The following PCDHGB7 variants were observed in gnomAD, a reference collection of about 807,000 sequenced individuals.
The protein encoded by PCDHGB7 is protocadherin gamma-B7.
Under a neutral mutation model 61.4 loss-of-function variants are expected in PCDHGB7, and 37 were observed. The observed-to-expected ratio is 0.60, with a 90% CI of 0.46 to 0.79. The LOEUF is 0.79. Among genes scored for constraint, PCDHGB7 ranks in the 30% least tolerant of loss-of-function variants. The probability of loss-of-function intolerance (pLI) is 0.00; values close to 1 mark genes in which losing one functional copy is unlikely to be tolerated. For missense variants in PCDHGB7, 1,166 were observed against 1,202.5 expected, an observed-to-expected ratio of 0.97 and a Z score of 0.45; for synonymous variants, 464 against 503.5, an observed-to-expected ratio of 0.92 and a Z score of 1.05.
At position 141,419,312 on chromosome 5, in the gene PCDHGB7, G is replaced by C. The variant is rs35892780; in HGVS notation, c.1453G>C (p.Gly485Arg). Residue 485 changes from glycine (G) to arginine (R), a missense_variant, in exon 1 of 4, where the codon GGC becomes CGC. Physicochemically the swap from Gly to Arg is moderately radical, Grantham distance 125. Transcript: ENST00000398594. ...SASDPDFGLN[G>R]RVSYSLIASD... ...CTCTGACCCAGACTTCGGGCTCAAC[G>C]GCCGTGTCTCCTACTCTCTCATTGC... 1.0e-3 allele frequency: 1,689 copies of C among 1,613,962 alleles called. 4 individuals are homozygous for C. Among genetic ancestry groups the C allele is most frequent in the Middle Eastern group, 5.3e-3 (32 of 6,062 alleles).
In PCDHGB7 at chr5:141,476,691, A is replaced by G; in HGVS notation, c.2416-18116A>G. 6.2e-7 allele frequency: 1 copy of G among 1,614,224 alleles called. No individual in the cohort carries two copies. Among genetic ancestry groups the G allele is most frequent in the Non-Finnish European group, 8.5e-7 (1 of 1,180,050 alleles). The stretch of plus-strand genomic sequence containing the variant: ...GTGCAGACGCGGGAGGACAGCACCA[A>G]GTACGCGGAGCTGGTGTTGGAGCGC... On this transcript the variant is annotated intron_variant, in intron 1 of 3. Transcript: ENST00000398594. This position sits in a 1 kb window ranked among gnomAD's most constrained non-coding sequence, Gnocchi z 7.6.
Position 141,420,214 on chromosome 5 carries a change from C to G in PCDHGB7, c.2355C>G (p.Ser785Arg), listed in dbSNP as rs1356792048. The change falls in exon 1 of 4, where the codon AGC (serine) becomes AGG (arginine). Residue 785 changes from serine (S) to arginine (R), a missense_variant. By Grantham distance (110) the Ser-to-Arg change is moderately radical (BLOSUM62 -1). Coordinates refer to ENST00000398594, the MANE Select transcript of PCDHGB7 (RefSeq NM_018927.4). The part of the protein sequence containing the change: ...PATQDNLNKD[S>R]MLLASILTPS... ...CACAAGATAACCTCAACAAAGATAG[C>G]ATGCTACTGGCTAGCATTTTAACTC... The G allele has an allele frequency of 6.2e-7, 1 of 1,611,064 alleles. No individual in the cohort carries two copies. Among genetic ancestry groups the G allele is most frequent in the Admixed American group, 1.7e-5 (1 of 59,946 alleles).
At position 141,447,667 on chromosome 5, in the gene PCDHGB7, G is replaced by A. The variant is rs115529144; in HGVS notation, c.2415+27393G>A. 2.4e-3 allele frequency among the ~76,000 whole-genome samples: 372 copies of A among 152,278 alleles called. 2 individuals are homozygous for A. Among genetic ancestry groups the A allele is most frequent in the African/African-American group, 8.6e-3 (358 of 41,546 alleles). The stretch of plus-strand genomic sequence containing the variant: ...TAGAATTTTCCCCCCCAGGAAGTTA[G>A]AACTGTTCCATATCTTGATAGAGGG... On this transcript the variant is annotated intron_variant, in intron 1 of 3. Transcript: ENST00000398594.
intron 1 of PCDHGB7, among the ~76,000 whole-genome samples, chr5:141,438,581 TACATAC>T (rs2097977343): frequency 4.0e-5 from 2 of 49,846 alleles, no homozygotes; most frequent in Non-Finnish European, 6.5e-5. Flanking sequence ...TATACATACA[TACATAC>T]ATACATATAT....
rs140056243 is a variant in PCDHGB7 at position 141,487,386 on chromosome 5, G to A, written c.2416-7421G>A. 21 of 1,614,046 alleles carry A rather than the reference G, an allele frequency of 1.3e-5. No individual in the cohort carries two copies. The highest frequency in any genetic ancestry group is 4.0e-5 in the African/African-American group (3 of 74,920). On this transcript the variant is annotated intron_variant, in intron 1 of 3. Coordinates refer to ENST00000398594, the MANE Select transcript of PCDHGB7 (RefSeq NM_018927.4). The surrounding 1 kb of genome is among the most constrained non-coding windows in gnomAD (Gnocchi z 5.0). Reference sequence around the variant, plus strand: ...ACCTGTGCCTGTCTCACCAGATCTCGAAGGAGGGAGGGGCTTCCCCCTTCC... The same window carrying A: ...ACCTGTGCCTGTCTCACCAGATCTCAAAGGAGGGAGGGGCTTCCCCCTTCC...
chr5:141,486,659 G>A lies in PCDHGB7; in HGVS notation c.2416-8148G>A, dbSNP rs758578821. The stretch of plus-strand genomic sequence containing the variant: ...TGCGCTTATCTCCTACTCACTCCTG[G>A]AGCCCAGGAATCGAGATGTATCAGC... On this transcript the variant is annotated intron_variant, in intron 1 of 3. Transcript: ENST00000398594. This position sits in a 1 kb window ranked among gnomAD's most constrained non-coding sequence, Gnocchi z 5.0. 5.0e-6 allele frequency: 8 copies of A among 1,613,944 alleles called. No homozygotes were observed. Among genetic ancestry groups the A allele is most frequent in the Middle Eastern group, 1.6e-4 (1 of 6,062 alleles).
chr5:141,418,323 A>G lies in PCDHGB7; in HGVS notation c.464A>G (p.Glu155Gly). The change falls in exon 1 of 4, where the codon GAG becomes GGG. Residue 155 changes from glutamate (E) to glycine (G), a missense_variant. Coordinates refer to ENST00000398594, the MANE Select transcript of PCDHGB7 (RefSeq NM_018927.4). Reference sequence around the variant, plus strand: ...AGCCTGGGGATGGGAACAATTCTTGAGTCTGCAGAAGATCCTGATATTAGT... The same window carrying G: ...AGCCTGGGGATGGGAACAATTCTTGGGTCTGCAGAAGATCCTGATATTAGT... ...SVSLGMGTIL[E>G]SAEDPDISMN... The G allele has an allele frequency of 1.2e-6, 2 of 1,614,004 alleles. No individual in the cohort carries two copies. Among genetic ancestry groups the G allele is most frequent in the Non-Finnish European group, 1.7e-6 (2 of 1,179,890 alleles).
intron 1 of PCDHGB7, chr5:141,423,720 A>T: frequency 3.1e-6 from 3 of 957,770 alleles, no homozygotes; most frequent in Admixed American, 5.5e-5. Context: ...TTTTAAGGAG[A>T]TGTTTTTTGA....
chr5:141,465,979 G>A (rs779605313), intron 1 of PCDHGB7, among the ~76,000 whole-genome samples: 9 of 151,846 alleles, frequency 5.9e-5, no homozygotes, highest in Non-Finnish European at 1.3e-4. Flanking sequence ...AAAATTAGCC[G>A]GGCATGGTGG....
intron 2 of PCDHGB7, among the ~76,000 whole-genome samples, chr5:141,495,193 T>C (rs1471524188): frequency 6.6e-6 from 1 of 152,192 alleles, no homozygotes; most frequent in Admixed American, 6.5e-5. Context: ...TCTATGCCCA[T>C]GTACTGCCTA....
intron 1 of PCDHGB7, among the ~76,000 whole-genome samples, chr5:141,458,065 GA>G (rs541812590): frequency 3.5e-3 from 534 of 152,242 alleles, no homozygotes; most frequent in Middle Eastern, 6.8e-3. Context: ...GCACTGATGC[GA>G]ACAACTATAT....
In PCDHGB7 at chr5:141,487,128, G is replaced by T. The variant is rs565927415; in HGVS notation, c.2416-7679G>T. On this transcript the variant is annotated intron_variant, in intron 1 of 3. Transcript: ENST00000398594. This position sits in a 1 kb window ranked among gnomAD's most constrained non-coding sequence, Gnocchi z 5.0. ...GTCATTGTGGTAAAGGATAGTGGTA[G>T]TCCACCACTCTCTACCTCTGTTACT... The T allele has an allele frequency of 6.3e-5, 102 of 1,614,086 alleles. No individual in the cohort carries two copies. The South Asian group carries it at 7.7e-4, about 12-fold the overall frequency.
At chr5:141,505,261 T>C in intron 2 of PCDHGB7, 132 bp from the exon 3 acceptor site, 1 of 1,505,282 alleles carries the variant, frequency 6.6e-7, no homozygotes. Context: ...GCCTCCTACC[T>C]TGCTGAGAGA....
chr5:141,504,755 T>A (rs953075905), intron 2 of PCDHGB7, among the ~76,000 whole-genome samples: 13 of 151,824 alleles, frequency 8.6e-5, no homozygotes, highest in Non-Finnish European at 1.5e-5. Flanking sequence ...ATTTTAGAAA[T>A]TTCTTCTCCC....
chr5:141,438,635 TACACAC>T (rs56854727), intron 1 of PCDHGB7, among the ~76,000 whole-genome samples: 557 of 33,182 alleles, frequency 0.017, 8 homozygotes, highest in South Asian at 0.028. Flanking sequence ...TATATATATA[TACACAC>T]ACACACACAC....
Position 141,477,553 on chromosome 5 carries a change from A to G in PCDHGB7, c.2416-17254A>G. ...TCCCCGGGGCTCCAATACTAAACCTAAGTGTCTGGGACCCCGACGCCCCGC... is the reference window on the plus strand; with the variant it reads ...TCCCCGGGGCTCCAATACTAAACCTGAGTGTCTGGGACCCCGACGCCCCGC... On this transcript the variant is annotated intron_variant, in intron 1 of 3. Transcript: ENST00000398594. This position sits in a 1 kb window ranked among gnomAD's most constrained non-coding sequence, Gnocchi z 4.9. 5 of 1,614,090 alleles carry G rather than the reference A, an allele frequency of 3.1e-6. No individual in the cohort carries two copies. The highest frequency in any genetic ancestry group is 4.2e-6 in the Non-Finnish European group (5 of 1,180,020).
intron 1 of PCDHGB7, among the ~76,000 whole-genome samples, chr5:141,454,607 T>C (rs1207742002): frequency 6.6e-6 from 1 of 151,574 alleles, no homozygotes; most frequent in Non-Finnish European, 1.5e-5. Flanking sequence ...GGTTTCTCCA[T>C]GTTGGTCAGG....
intron 1 of PCDHGB7, chr5:141,428,653 T>A (rs952656382): frequency 1.8e-5 from 3 of 167,524 alleles, no homozygotes; most frequent in Admixed American, 1.1e-4. Flanking sequence ...TCACGTGAGT[T>A]CCAATGAATG....
At chr5:141,508,906 G>A (rs2099872897) in intron 3 of PCDHGB7, among the ~76,000 whole-genome samples, 1 of 152,092 alleles carries the variant, frequency 6.6e-6, no homozygotes, top group Non-Finnish European at 1.5e-5. Context: ...CGGGGCGGTG[G>A]CGGATCTGGC....
Sources: gnomAD v4.1 joint callset for allele counts (sites outside exome capture counted in the v4.1 genomes callset) on GRCh38, gnomAD v4.1.1 for gene constraint, Gnocchi (gnomAD v3.1) non-coding constraint, MANE v1.5 for transcripts, NCBI Gene and HGNC (gene_info 2026-07-23, HGNC 2026-07-21) for gene names.